The following PPFIA4 variants were observed in gnomAD, a reference collection of about 807,000 sequenced individuals.
The protein encoded by PPFIA4 is liprin-alpha-4.
A neutral mutation model predicts 145.7 loss-of-function variants in PPFIA4; 98 were observed. That is an observed-to-expected ratio of 0.67 (90% CI 0.57 to 0.80). PPFIA4 has a LOEUF of 0.80. Ranked by LOEUF, PPFIA4 falls within the 30% of genes least tolerant of loss-of-function variation. The pLI is 0.00. For missense variants in PPFIA4, 1,457 were observed against 1,632.7 expected, an observed-to-expected ratio of 0.89 and a Z score of 1.85; for synonymous variants, 628 against 649.6, an observed-to-expected ratio of 0.97 and a Z score of 0.51.
chr1:203,054,620 A>G, intron 15 of PPFIA4, among the ~76,000 whole-genome samples: 1 of 152,084 alleles, frequency 6.6e-6, no homozygotes, highest in African/African-American at 2.4e-5. Flanking sequence ...TAAGCTGTAC[A>G]GGACATCCAG....
chr1:203,061,624 C>T lies in PPFIA4; in HGVS notation c.2848-28C>T. On this transcript the variant is annotated intron_variant, in intron 23 of 29. Transcript: ENST00000295706. ...GGGTTTCTTGACTTTGCCTGTTTCC[C>T]CTAACACGCTGCACTCGTTCCTGCT... 5 of 1,555,710 alleles carry T rather than the reference C, an allele frequency of 3.2e-6. No individual in the cohort carries two copies. In the South Asian group the frequency reaches 4.8e-5, roughly 15 times the overall value.
intron 1 of PPFIA4, among the ~76,000 whole-genome samples, chr1:203,030,907 A>G (rs1001519580): frequency 6.6e-6 from 1 of 152,138 alleles, no homozygotes; most frequent in African/African-American, 2.4e-5. Context: ...CCACAATTAT[A>G]TGCAGTCAAG....
rs111258733 is a variant in PPFIA4 at position 203,074,597 on chromosome 1, C to T, written c.3394-980C>T. 5.7e-3 allele frequency among the ~76,000 whole-genome samples: 873 copies of T among 152,122 alleles called. 2 individuals carry two copies. Among genetic ancestry groups the T allele is most frequent in the Non-Finnish European group, 7.4e-3 (504 of 67,978 alleles). On this transcript the variant is annotated intron_variant, in intron 28 of 29. Coordinates refer to ENST00000295706, the MANE Select transcript of PPFIA4 (RefSeq NM_001304331.2). ...ACTTGGCACACACAACAAACCCTAG[C>T]GGGGAAGGGCTGGGAGGGGTTGTTG... is the stretch of plus-strand genomic sequence containing the variant.
In PPFIA4 at chr1:203,068,328, G is replaced by A; in HGVS notation, c.3149-125G>A. On this transcript the variant is annotated intron_variant, in intron 26 of 29. Coordinates refer to ENST00000295706, the MANE Select transcript of PPFIA4 (RefSeq NM_001304331.2). The surrounding 1 kb of genome is among the most constrained non-coding windows in gnomAD (Gnocchi z 4.7). ...AAAGAAGATATGGAAATTTAGGGAT[G>A]GAGTGGGGGTCAGAGAGCAGGGTGG... 1 of 801,892 alleles carries A rather than the reference G, an allele frequency of 1.2e-6. No individual in the cohort carries two copies. The highest frequency in any genetic ancestry group is 1.8e-6 in the Non-Finnish European group (1 of 544,886). 49.7% of individuals were successfully genotyped at this position (801,892 alleles called of 1,614,324 possible).
chr1:203,056,175 C>T lies in PPFIA4; in HGVS notation c.2106+20C>T. The T allele has an allele frequency of 6.2e-7, 1 of 1,613,876 alleles. No homozygotes were observed. Among genetic ancestry groups the T allele is most frequent in the Non-Finnish European group, 8.5e-7 (1 of 1,179,850 alleles). The stretch of plus-strand genomic sequence containing the variant: ...CTGCTGGTGAGTGCTGCCTGATGGC[C>T]CAGGTACTAACGGGTTCACTGCTCC... On this transcript the variant is annotated intron_variant, in intron 17 of 29. Transcript: ENST00000295706.
Position 203,044,093 on chromosome 1 carries a change from A to G in PPFIA4, c.499A>G (p.Lys167Glu). The change falls in exon 4 of 30, where the codon AAG becomes GAG. Residue 167 changes from lysine (K) to glutamate (E), a missense_variant and splice_region_variant. By Grantham distance (56) the Lys-to-Glu change is moderately conservative (BLOSUM62 1). Coordinates refer to ENST00000295706, the MANE Select transcript of PPFIA4 (RefSeq NM_001304331.2). ...TGAGCACCACAAGGCCCTGGATGAG[A>G]AGGTGCCCACCTGCCCGCCAGCCCC... is the stretch of plus-strand genomic sequence containing the variant. The part of the protein sequence containing the change: ...LFEHHKALDE[K>E]VRERLRAALE... 1.3e-6 allele frequency: 2 copies of G among 1,584,482 alleles called. No individual in the cohort carries two copies. Among genetic ancestry groups the G allele is most frequent in the East Asian group, 2.2e-5 (1 of 44,468 alleles).
intron 1 of PPFIA4, among the ~76,000 whole-genome samples, chr1:203,034,168 A>G (rs1441950536): frequency 6.6e-6 from 1 of 152,226 alleles, no homozygotes; most frequent in Non-Finnish European, 1.5e-5. Context: ...AAGAGACTCC[A>G]TGGAGGAAGT....
At position 203,068,310 on chromosome 1, in the gene PPFIA4, A is replaced by T. The variant is rs1329093304; in HGVS notation, c.3149-143A>T. ...AGGTGCCAGGGAGGAGAGAAAGAAG[A>T]TATGGAAATTTAGGGATGGAGTGGG... On this transcript the variant is annotated intron_variant, in intron 26 of 29. Coordinates refer to ENST00000295706, the MANE Select transcript of PPFIA4 (RefSeq NM_001304331.2). This position sits in a 1 kb window ranked among gnomAD's most constrained non-coding sequence, Gnocchi z 4.7. The T allele has an allele frequency of 1.4e-6, 1 of 707,642 alleles. No homozygotes were observed. Among genetic ancestry groups the T allele is most frequent in the Non-Finnish European group, 2.2e-6 (1 of 461,450 alleles). The allele number at this position is 707,642 out of a possible 1,614,324, so 43.8% of individuals were successfully genotyped here. A position where few individuals can be genotyped will look rare whatever the true frequency, so the allele number is the denominator to read the frequency against.
chr1:203,056,293 A>G (rs1003802548), intron 17 of PPFIA4, 82 bp from the exon 18 acceptor site: 2 of 1,597,754 alleles, frequency 1.3e-6, no homozygotes, highest in African/African-American at 2.7e-5. Flanking sequence ...GCATTTCTCC[A>G]TGCTCCGCCA....
intron 13 of PPFIA4, among the ~76,000 whole-genome samples, chr1:203,050,551 T>C (rs1179238374): frequency 2.0e-5 from 3 of 152,156 alleles, no homozygotes; most frequent in Non-Finnish European, 4.4e-5. Flanking sequence ...ATGTGCTTGC[T>C]GTATCAGGGA....
At chr1:203,061,310 G>T in intron 23 of PPFIA4, 3 of 553,128 alleles carry the variant, frequency 5.4e-6, no homozygotes, top group Non-Finnish European at 9.6e-6. Context: ...GGCTGGGGAG[G>T]GCTTTGCCCT....
chr1:203,060,851 C>T lies in PPFIA4; in HGVS notation c.2785-119C>T. ...TGTCGGCCATCTCCATGATTGAGAC[C>T]AGCCCCCATTTCAGAGGACTCAGGG... On this transcript the variant is annotated intron_variant, in intron 22 of 29. Transcript: ENST00000295706. This position sits in a 1 kb window ranked among gnomAD's most constrained non-coding sequence, Gnocchi z 4.8. 4 of 863,960 alleles carry T rather than the reference C, an allele frequency of 4.6e-6. No homozygotes were observed. The highest frequency in any genetic ancestry group is 7.7e-6 in the Non-Finnish European group (4 of 522,100). The allele number at this position is 863,960 out of a possible 1,614,324, so 53.5% of individuals were successfully genotyped here. A position where few individuals can be genotyped will look rare whatever the true frequency, so the allele number is the denominator to read the frequency against.
In PPFIA4 at chr1:203,048,921, A is replaced by G. The variant is rs766536464; in HGVS notation, c.1360A>G (p.Thr454Ala). 5.8e-6 allele frequency: 9 copies of G among 1,548,444 alleles called. No homozygotes were observed. The highest frequency in any genetic ancestry group is 7.0e-6 in the Non-Finnish European group (8 of 1,146,828). The part of the protein sequence containing the change: ...ERMAALEEKN[T>A]LIQELESSQR... ...GCTCACAGCTGCTCTCCCCCAGAACACGTTGATCCAGGAGTTGGAGAGCTC... is the reference window on the plus strand; with the variant it reads ...GCTCACAGCTGCTCTCCCCCAGAACGCGTTGATCCAGGAGTTGGAGAGCTC... The change falls in exon 12 of 30, where the codon ACG becomes GCG. Residue 454 changes from threonine (T) to alanine (A), a missense_variant. Physicochemically the swap from Thr to Ala is moderately conservative, Grantham distance 58. This residue lies in a region of PPFIA4 where 848 missense variants were observed against 1,046.7 expected (regional missense o/e 0.81). Coordinates refer to ENST00000295706, the MANE Select transcript of PPFIA4 (RefSeq NM_001304331.2). This position sits in a 1 kb window ranked among gnomAD's most constrained non-coding sequence, Gnocchi z 5.8.
rs773184605 is a variant in PPFIA4 at position 203,046,312 on chromosome 1, C to T, written c.1070C>T (p.Thr357Met). The T allele has an allele frequency of 2.4e-5, 38 of 1,595,094 alleles. No homozygotes were observed. Among genetic ancestry groups the T allele is most frequent in the East Asian group, 2.3e-4 (10 of 43,924 alleles). Reference sequence around the variant, plus strand: ...GTGGCAGAGCAGAAGCTGCAGCAGACGATGCGCAAGGCAGAGACGCTGCCA... The same window carrying T: ...GTGGCAGAGCAGAAGCTGCAGCAGATGATGCGCAAGGCAGAGACGCTGCCA... Reference protein sequence around the residue: ...LEVAEQKLQQTMRKAETLPEV... With the variant: ...LEVAEQKLQQMMRKAETLPEV... The change falls in exon 9 of 30, where the codon ACG (threonine) becomes ATG (methionine). Residue 357 changes from threonine (T) to methionine (M), a missense_variant. Coordinates refer to ENST00000295706, the MANE Select transcript of PPFIA4 (RefSeq NM_001304331.2).
chr1:203,039,276 C>T, intron 2 of PPFIA4, 34 bp downstream of exon 2: 3 of 1,480,050 alleles, frequency 2.0e-6, no homozygotes, highest in Non-Finnish European at 2.7e-6. Flanking sequence ...CTCTTAACCC[C>T]TTTCCCTCCT....
In PPFIA4 at chr1:203,075,115, C is replaced by A. The variant is rs1395166062; in HGVS notation, c.3394-462C>A. On this transcript the variant is annotated intron_variant, in intron 28 of 29. Coordinates refer to ENST00000295706, the MANE Select transcript of PPFIA4 (RefSeq NM_001304331.2). This position sits in a 1 kb window ranked among gnomAD's most constrained non-coding sequence, Gnocchi z 4.1. ...AGGATTAGAAGCCAGGTGTCTGACT[C>A]CCGCCCGACATAGTACTCTTCTGGT... Among the ~76,000 whole-genome samples the A allele has an allele frequency of 6.6e-6, 1 of 152,144 alleles. No individual in the cohort carries two copies. The highest frequency in any genetic ancestry group is 1.9e-4 in the East Asian group (1 of 5,196).
chr1:203,036,510 G>A (rs992557488), intron 1 of PPFIA4, among the ~76,000 whole-genome samples: 1 of 151,656 alleles, frequency 6.6e-6, no homozygotes, highest in Non-Finnish European at 1.5e-5. Context: ...CCCTAGCCTA[G>A]TCTTCTCTTT....
chr1:203,044,248 C>T (rs1659905085), intron 4 of PPFIA4, 131 bp from the exon 5 acceptor site: 10 of 1,161,504 alleles, frequency 8.6e-6, no homozygotes, highest in African/African-American at 1.5e-5. Flanking sequence ...TAGGCTCCCT[C>T]CTGCAAATGT....
Position 203,044,742 on chromosome 1 carries a change from A to C in PPFIA4, c.623A>C (p.Glu208Ala). The C allele has an allele frequency of 6.4e-7, 1 of 1,566,396 alleles. No individual in the cohort carries two copies. The highest frequency in any genetic ancestry group is 8.7e-7 in the Non-Finnish European group (1 of 1,155,782). Residue 208 changes from glutamate (E) to alanine (A), a missense_variant, in exon 6 of 30, where the codon GAA becomes GCA. This residue lies in a region of PPFIA4 where 463 missense variants were observed against 459.8 expected (regional missense o/e 1.01). Coordinates refer to ENST00000295706, the MANE Select transcript of PPFIA4 (RefSeq NM_001304331.2). ...GCAGGGGTGCGGGATGGAGCGGCAG[A>C]AGAGGAGGGGACTGTGGAGCTGGGG... ...QGAGVRDGAAEEEGTVELGPK... is the reference protein window; with the variant it reads ...QGAGVRDGAAAEEGTVELGPK...
Sources: allele counts gnomAD v4.1 joint callset (sites outside exome capture counted in the v4.1 genomes callset), GRCh38; gene constraint gnomAD v4.1.1; regional missense constraint gnomAD v4.1.1; non-coding constraint Gnocchi (gnomAD v3.1); transcripts MANE v1.5; gene names NCBI Gene and HGNC (gene_info 2026-07-23, HGNC 2026-07-21).